Variants in SCP2 observed in about 807,000 individuals in gnomAD.
SCP2 encodes the protein sterol carrier protein 2.
A neutral mutation model predicts 71.4 loss-of-function variants in SCP2; 48 were observed. The observed-to-expected ratio is 0.67, with a 90% CI of 0.53 to 0.86. The LOEUF (loss-of-function observed/expected upper bound fraction) is 0.86. SCP2 is among the 40% of genes least tolerant of loss of function. SCP2 has a pLI of 0.00. For missense variants in SCP2, 560 were observed against 655.6 expected (o/e 0.85, Z 1.59); for synonymous variants, 220 against 218.1 (o/e 1.01, Z -0.08).
intron 5 of SCP2, among the ~76,000 whole-genome samples, chr1:52,960,514 G>GTATATACA (rs1557561922): frequency 1.5e-5 from 2 of 130,152 alleles, no homozygotes; most frequent in African/African-American, 6.2e-5. Context: ...GTGTGTGTGT[G>GTATATACA]TGTGTATATG....
chr1:52,952,784 G>A (rs534967823), intron 4 of SCP2, among the ~76,000 whole-genome samples: 3 of 152,084 alleles, frequency 2.0e-5, no homozygotes, highest in South Asian at 4.2e-4. Flanking sequence ...TTGGGGTAGC[G>A]GGGAGGGCGT....
At chr1:53,040,742 C>T (rs754084115) in intron 14 of SCP2, among the ~76,000 whole-genome samples, 10 of 151,990 alleles carry the variant, frequency 6.6e-5, no homozygotes, top group Non-Finnish European at 1.2e-4. Flanking sequence ...AAATCTTACC[C>T]CCATTACTAT....
At chr1:53,010,953 A>C (rs1319769503) in intron 11 of SCP2, among the ~76,000 whole-genome samples, 1 of 152,128 alleles carries the variant, frequency 6.6e-6, no homozygotes, top group African/African-American at 2.4e-5. Context: ...GCCCGCCTGC[A>C]CCCAGGTGAA....
At chr1:52,980,971 G>T (rs1658433103) in intron 10 of SCP2, among the ~76,000 whole-genome samples, 1 of 152,068 alleles carries the variant, frequency 6.6e-6, no homozygotes. Flanking sequence ...TCTCTCTGTA[G>T]CCCAGGCTGG....
Position 52,953,710 on chromosome 1 carries a change from T to G in SCP2, c.332-1030T>G, listed in dbSNP as rs181022441. The stretch of plus-strand genomic sequence containing the variant: ...CTATAATTTTTCTGTTATTAAAAAC[T>G]TTGTTTGGTGGCTTATGTTTGTAAT... On this transcript the variant is annotated intron_variant, in intron 4 of 15. Transcript: ENST00000371514. 3.6e-3 allele frequency among the ~76,000 whole-genome samples: 546 copies of G among 151,966 alleles called. 6 individuals are homozygous for G. Among genetic ancestry groups the G allele is most frequent in the Non-Finnish European group, 4.3e-3 (294 of 67,924 alleles).
At chr1:52,987,382 G>C (rs17107507) in intron 10 of SCP2, among the ~76,000 whole-genome samples, 6,757 of 152,096 alleles carry the variant, frequency 0.044, 459 homozygotes, top group African/African-American at 0.15. Context: ...TATTTGGAGC[G>C]TCCACATCTT....
intron 6 of SCP2, among the ~76,000 whole-genome samples, chr1:52,965,006 A>G (rs879292268): frequency 6.7e-6 from 1 of 149,914 alleles, no homozygotes; most frequent in Non-Finnish European, 1.5e-5. Flanking sequence ...GCGAGACTCC[A>G]TCTCAAAAAC....
intron 12 of SCP2, among the ~76,000 whole-genome samples, chr1:53,023,787 C>G (rs1001074733): frequency 1.3e-5 from 2 of 152,088 alleles, no homozygotes; most frequent in East Asian, 3.9e-4. Context: ...AGGTTCCATT[C>G]CCTGTTCATA....
intron 15 of SCP2, chr1:53,048,565 A>C (rs1345167971): frequency 6.2e-6 from 1 of 161,198 alleles, no homozygotes; most frequent in Non-Finnish European, 1.4e-5. Flanking sequence ...GTTAGTCATA[A>C]TATGCCTCTC....
chr1:52,933,473 AG>A (rs1193263699), intron 1 of SCP2, among the ~76,000 whole-genome samples: 1 of 152,206 alleles, frequency 6.6e-6, no homozygotes, highest in African/African-American at 2.4e-5. Flanking sequence ...TGTTTAAACA[AG>A]AGTTTGTGAT....
chr1:53,015,117 A>C, intron 12 of SCP2, 74 bp downstream of exon 12: 1 of 1,396,030 alleles, frequency 7.2e-7, no homozygotes, highest in Non-Finnish European at 1.0e-6. Context: ...TTTACATGTA[A>C]AAATTTCTTA....
Position 52,977,339 on chromosome 1 carries a change from A to G in SCP2, c.674+570A>G, listed in dbSNP as rs1658066644. Among the ~76,000 whole-genome samples the G allele has an allele frequency of 2.6e-5, 4 of 152,348 alleles. No homozygotes were observed. In the South Asian group the frequency reaches 8.3e-4, roughly 32 times the overall value. On this transcript the variant is annotated intron_variant, in intron 8 of 15. Transcript: ENST00000371514. ...GTCGGGTCAGCTTTTATTTGTTGTG[A>G]TATGAGGGTCTGCCCATTTAGAAAG... is the stretch of plus-strand genomic sequence containing the variant.
chr1:52,948,170 C>A, intron 3 of SCP2, 90 bp downstream of exon 3: 2 of 830,050 alleles, frequency 2.4e-6, no homozygotes, highest in East Asian at 2.4e-5. Context: ...GAATTTTAAC[C>A]CTCAAAAACT....
chr1:53,042,155 T>C (rs1414529814), intron 14 of SCP2, among the ~76,000 whole-genome samples: 1 of 150,964 alleles, frequency 6.6e-6, no homozygotes, highest in African/African-American at 2.4e-5. Context: ...AAAATGGCCA[T>C]AGCTTTGCAT....
intron 1 of SCP2, among the ~76,000 whole-genome samples, chr1:52,934,534 T>TATAAC (rs1471774079): frequency 1.4e-5 from 2 of 146,314 alleles, no homozygotes; most frequent in African/African-American, 2.5e-5. Flanking sequence ...AATATTTTAT[T>TATAAC]ATAACAGAGT....
At chr1:53,010,236 T>C (rs1471922960) in intron 11 of SCP2, among the ~76,000 whole-genome samples, 3 of 152,348 alleles carry the variant, frequency 2.0e-5, no homozygotes, top group African/African-American at 7.2e-5. Context: ...CTCAGGGATC[T>C]AGAACTAGAA....
chr1:52,988,566 C>A (rs1287792429), intron 11 of SCP2, among the ~76,000 whole-genome samples: 1 of 152,026 alleles, frequency 6.6e-6, no homozygotes, highest in Non-Finnish European at 1.5e-5. Flanking sequence ...ATCAGTCAAT[C>A]ACTTTAACTT....
At chr1:52,972,963 CAAG>C (rs1657625086) in intron 6 of SCP2, among the ~76,000 whole-genome samples, 1 of 152,162 alleles carries the variant, frequency 6.6e-6, no homozygotes, top group African/African-American at 2.4e-5. Context: ...TGTGGGAGTT[CAAG>C]AATAGAACTG....
intron 8 of SCP2, 74 bp downstream of exon 8, chr1:52,976,843 C>A: frequency 3.7e-6 from 3 of 819,778 alleles, no homozygotes; most frequent in Middle Eastern, 2.2e-4. Context: ...TGTGGTTAAA[C>A]CTTAGGCTCT....
Sources: allele counts gnomAD v4.1 joint callset (sites outside exome capture counted in the v4.1 genomes callset), GRCh38; gene constraint gnomAD v4.1.1; transcripts MANE v1.5; gene names NCBI Gene and HGNC (gene_info 2026-07-23, HGNC 2026-07-21).